The following RERE variants were observed in gnomAD, a reference collection of about 807,000 sequenced individuals.
The protein encoded by RERE is arginine-glutamic acid dipeptide repeats protein.
In RERE, 40 loss-of-function variants were observed where a neutral mutation model predicts 146.1. The ratio of observed to expected loss-of-function variants is 0.27; its 90% confidence interval spans 0.21 to 0.36. The LOEUF (loss-of-function observed/expected upper bound fraction) is 0.36, where lower values mean the gene tolerates loss of function less well. Ranked by LOEUF, RERE falls within the 10% of genes least tolerant of loss-of-function variation. RERE has a pLI of 1.00. For synonymous variants in RERE, 1,003 were observed against 866.0 expected (o/e 1.16, Z -2.78); for missense variants, 1,933 against 2,138.7 (o/e 0.90, Z 1.90).
At chr1:8,726,449 G>A (rs189827400) in intron 1 of RERE, among the ~76,000 whole-genome samples, 24 of 152,160 alleles carry the variant, frequency 1.6e-4, no homozygotes, top group Admixed American at 5.9e-4. Context: ...CAACGCGCCC[G>A]GCCAGGCAAT....
At chr1:8,579,275 C>T (rs1395889057) in intron 4 of RERE, among the ~76,000 whole-genome samples, 2 of 152,110 alleles carry the variant, frequency 1.3e-5, no homozygotes, top group Admixed American at 1.3e-4. Flanking sequence ...TTCAGAAAAG[C>T]TTTTACTGTC....
rs750949924 is a variant in RERE, at chr1:8,355,038, TC to T, written c.*48del. 1 of 1,510,466 alleles carries T rather than the reference TC, an allele frequency of 6.6e-7. No individual in the cohort carries two copies. Among genetic ancestry groups the T allele is most frequent in the Admixed American group, 1.7e-5 (1 of 57,216 alleles). 93.6% of individuals were successfully genotyped at this position (1,510,466 alleles called of 1,614,324 possible). Reference sequence around the variant, plus strand: ...TATTTTATGTAAAAAGTCCTGTTTCTCCCCCCAAGAACTGGGGTTTCCACAG... The same window carrying T: ...TATTTTATGTAAAAAGTCCTGTTTCTCCCCCAAGAACTGGGGTTTCCACAG... On this transcript the variant is annotated 3_prime_UTR_variant, in exon 23 of 23. Transcript: ENST00000400908.
chr1:8,800,947 C>T (rs1354133856), intron 1 of RERE, among the ~76,000 whole-genome samples: 4 of 148,618 alleles, frequency 2.7e-5, no homozygotes, highest in Non-Finnish European at 4.5e-5. Context: ...CTGGGTGATA[C>T]AGCAAGACTC....
chr1:8,733,020 A>G (rs1374991573), intron 1 of RERE, among the ~76,000 whole-genome samples: 3 of 151,472 alleles, frequency 2.0e-5, no homozygotes, highest in African/African-American at 7.3e-5. Context: ...ACGGGGTTTC[A>G]CCGTGTTAGC....
chr1:8,392,961 C>T lies in RERE; in HGVS notation c.1285-26987G>A, dbSNP rs140685673. On this transcript the variant is annotated intron_variant, in intron 12 of 22. Coordinates refer to ENST00000400908, the MANE Select transcript of RERE (RefSeq NM_001042681.2). ...GAAAGGATTCTAAACCATGTAGAGACGGTGGAAAATATAGTTGGATACTAC... is the reference window on the plus strand; with the variant it reads ...GAAAGGATTCTAAACCATGTAGAGATGGTGGAAAATATAGTTGGATACTAC... Among the ~76,000 whole-genome samples, 381 of 152,122 alleles carry T rather than the reference C, an allele frequency of 2.5e-3. 1 individual carries two copies. The highest frequency in any genetic ancestry group is 6.7e-3 in the African/African-American group (277 of 41,470).
At chr1:8,724,020 T>G (rs1252343668) in intron 1 of RERE, among the ~76,000 whole-genome samples, 3 of 145,752 alleles carry the variant, frequency 2.1e-5, no homozygotes, top group African/African-American at 7.4e-5. Context: ...AAATCAAAGA[T>G]TTTGTTCCAT....
In RERE at chr1:8,775,161, A is replaced by G. The variant is rs1049151884; in HGVS notation, c.-145+41999T>C. Among the ~76,000 whole-genome samples the G allele has an allele frequency of 2.6e-5, 4 of 151,320 alleles. No individual in the cohort carries two copies. The East Asian group carries it at 7.8e-4, about 29-fold the overall frequency. The stretch of plus-strand genomic sequence containing the variant: ...TTTTTAGTAGAGACGGGGTTTCACC[A>G]TGTTGGCCAGGATGGTCTCGATCTC... On this transcript the variant is annotated intron_variant, in intron 1 of 22. Transcript: ENST00000400908.
chr1:8,624,336 T>C lies in RERE; in HGVS notation c.370A>G (p.Ile124Val). The C allele has an allele frequency of 6.2e-7, 1 of 1,611,494 alleles. No homozygotes were observed. Among genetic ancestry groups the C allele is most frequent in the Non-Finnish European group, 8.5e-7 (1 of 1,179,460 alleles). The part of the protein sequence containing the change: ...ESRRPNTPYF[I>V]CSIQDFKLVH... ...AGTTTGAAGTCTTGAATGCTACAGATGAAATACGGTGTGTTTGGCCTCCGA... is the reference window on the plus strand; with the variant it reads ...AGTTTGAAGTCTTGAATGCTACAGACGAAATACGGTGTGTTTGGCCTCCGA... The change falls in exon 3 of 23, where the codon ATC becomes GTC. Residue 124 changes from isoleucine (I) to valine (V), a missense_variant. By Grantham distance (29) the Ile-to-Val change is conservative (BLOSUM62 3). Coordinates refer to ENST00000400908, the MANE Select transcript of RERE (RefSeq NM_001042681.2).
At chr1:8,618,726 CTGA>C in intron 3 of RERE, among the ~76,000 whole-genome samples, 1 of 152,292 alleles carries the variant, frequency 6.6e-6, no homozygotes, top group East Asian at 1.9e-4. Flanking sequence ...AAGTCGCTAC[CTGA>C]TGATATCTCC....
chr1:8,412,974 G>A (rs1268303182), intron 12 of RERE, among the ~76,000 whole-genome samples: 1 of 152,044 alleles, frequency 6.6e-6, no homozygotes, highest in Non-Finnish European at 1.5e-5. Context: ...TTTTCCTTTG[G>A]TCTGTTAGAT....
At chr1:8,355,738 G>A in intron 21 of RERE, 139 bp from the exon 22 acceptor site, 3 of 756,930 alleles carry the variant, frequency 4.0e-6, no homozygotes, top group South Asian at 4.1e-5. Flanking sequence ...CCCAGACTCT[G>A]CAGACAGCCA....
chr1:8,564,826 A>ATATATATGTGTGTGTGTG (rs1384858524), intron 4 of RERE, among the ~76,000 whole-genome samples: 1 of 117,838 alleles, frequency 8.5e-6, no homozygotes, highest in Non-Finnish European at 1.7e-5. Context: ...GTGTGTGTAT[A>ATATATATGTGTGTGTGTG]TGTGTATGTG....
At chr1:8,791,644 G>A (rs367995605) in intron 1 of RERE, among the ~76,000 whole-genome samples, 1 of 152,112 alleles carries the variant, frequency 6.6e-6, no homozygotes, top group South Asian at 2.1e-4. Flanking sequence ...TAAGCAACTG[G>A]TCTATCTTTT....
intron 6 of RERE, among the ~76,000 whole-genome samples, chr1:8,546,830 CAA>C (rs1645868166): frequency 7.2e-6 from 1 of 137,946 alleles, no homozygotes; most frequent in Non-Finnish European, 1.5e-5. Context: ...GGCGACAGAG[CAA>C]GACTTCGTCT....
In RERE at chr1:8,656,231, T is replaced by A; in HGVS notation, c.67A>T (p.Arg23Ter). Reference protein sequence around the residue: ...KDRDRDRDREREKRDKARESE... With the variant: ...KDRDRDRDRE ...TCTCTTGCTTTGTCTCTTTTCTCTC[T>A]CTCTCGGTCCCGGTCTCGGTCCCGG... The change falls in exon 2 of 23, where the codon AGA (arginine) becomes TGA (stop). Residue 23 changes from arginine (R) to a stop codon, truncating the protein, a stop_gained. Transcript: ENST00000400908. LOFTEE classifies it high-confidence loss of function. 6.2e-7 allele frequency: 1 copy of A among 1,613,752 alleles called. No homozygotes were observed. Among genetic ancestry groups the A allele is most frequent in the Non-Finnish European group, 8.5e-7 (1 of 1,179,668 alleles).
intron 20 of RERE, among the ~76,000 whole-genome samples, chr1:8,357,593 G>C (rs1288973717): frequency 1.3e-5 from 2 of 152,210 alleles, no homozygotes; most frequent in African/African-American, 4.8e-5. Context: ...CATCTCACCA[G>C]GCTGCAGAGG....
chr1:8,803,132 G>T (rs1477992843), intron 1 of RERE, among the ~76,000 whole-genome samples: 2 of 152,068 alleles, frequency 1.3e-5, no homozygotes, highest in African/African-American at 4.8e-5. Flanking sequence ...AAAATATGAC[G>T]TTCAATACAT....
At chr1:8,467,679 C>G (rs1180948026) in intron 10 of RERE, among the ~76,000 whole-genome samples, 1 of 152,058 alleles carries the variant, frequency 6.6e-6, no homozygotes, top group East Asian at 1.9e-4. Flanking sequence ...GAGTCTTGCT[C>G]TGTTGCCCAG....
At chr1:8,515,205 T>C (rs1040739355) in intron 7 of RERE, among the ~76,000 whole-genome samples, 1 of 151,950 alleles carries the variant, frequency 6.6e-6, no homozygotes, top group Non-Finnish European at 1.5e-5. Flanking sequence ...TAAAAAATGT[T>C]TTTTTAATTA....
Sources: gnomAD v4.1 joint callset for allele counts (sites outside exome capture counted in the v4.1 genomes callset) on GRCh38, gnomAD v4.1.1 for gene constraint, MANE v1.5 for transcripts, NCBI Gene and HGNC (gene_info 2026-07-23, HGNC 2026-07-21) for gene names.